Variants in POLA1 observed in about 807,000 individuals in gnomAD.
POLA1 encodes DNA polymerase alpha catalytic subunit.
Under a neutral mutation model 124.0 loss-of-function variants are expected in POLA1, and 15 were observed. The observed-to-expected ratio is 0.12, with a 90% CI of 0.08 to 0.19. The LOEUF is 0.19. POLA1 is among the 10% of genes least tolerant of loss of function. POLA1 has a pLI of 1.00. For synonymous variants in POLA1, 408 were observed against 389.4 expected (o/e 1.05, Z -0.56); for missense variants, 886 against 1,103.4 (o/e 0.80, Z 2.79).
chrX:24,782,063 C>A (rs11573401), intron 26 of POLA1, among the ~76,000 whole-genome samples: 3,245 of 111,427 alleles, frequency 0.029, 113 homozygotes, highest in African/African-American at 0.098. Flanking sequence ...GAAATCTAAC[C>A]CTGTTAGCAC....
At chrX:24,722,723 CT>C (rs1229772216) in intron 10 of POLA1, among the ~76,000 whole-genome samples, 4 of 100,692 alleles carry the variant, frequency 4.0e-5, no homozygotes, top group African/African-American at 1.3e-4. Flanking sequence ...GTTTGTTTCT[CT>C]TTTTTTTTTC....
intron 34 of POLA1, among the ~76,000 whole-genome samples, chrX:24,876,343 T>C (rs2046931556): frequency 1.8e-5 from 2 of 112,136 alleles, no homozygotes; most frequent in South Asian, 7.4e-4. Flanking sequence ...ATTTAAATTA[T>C]GAAACTTCAT....
At chrX:24,807,076 C>A (rs995481598) in intron 26 of POLA1, among the ~76,000 whole-genome samples, 4 of 111,949 alleles carry the variant, frequency 3.6e-5, no homozygotes, top group Admixed American at 9.4e-5. Flanking sequence ...TCAGGTTATG[C>A]ATGGCAATGG....
chrX:24,852,916 C>T (rs1488822683), intron 34 of POLA1, among the ~76,000 whole-genome samples: 1 of 111,822 alleles, frequency 8.9e-6, no homozygotes, highest in African/African-American at 3.3e-5. Context: ...CGTCTCCATC[C>T]ACCATCAAAG....
intron 26 of POLA1, among the ~76,000 whole-genome samples, chrX:24,786,103 C>A (rs1273402781): frequency 8.9e-6 from 1 of 112,255 alleles, no homozygotes; most frequent in African/African-American, 3.2e-5. Flanking sequence ...TTTGTTCAAC[C>A]GTTTATCCCT....
intron 34 of POLA1, among the ~76,000 whole-genome samples, chrX:24,864,391 A>G (rs1180618406): frequency 8.9e-6 from 1 of 112,096 alleles, no homozygotes; most frequent in African/African-American, 3.2e-5. Flanking sequence ...TTAGCATCCT[A>G]TCCTATTTTG....
intron 4 of POLA1, among the ~76,000 whole-genome samples, chrX:24,711,087 A>G (rs997355955): frequency 9.0e-6 from 1 of 111,466 alleles, no homozygotes; most frequent in Non-Finnish European, 1.9e-5. Context: ...GGCTCAAGCT[A>G]TCCTCCCACC....
chrX:24,973,403 G>C (rs763123990), intron 36 of POLA1, among the ~76,000 whole-genome samples: 3 of 110,956 alleles, frequency 2.7e-5, no homozygotes, highest in African/African-American at 9.8e-5. Context: ...GAAAGAGAGA[G>C]AGAGAAAGAA....
intron 35 of POLA1, among the ~76,000 whole-genome samples, chrX:24,898,794 T>G (rs2047238198): frequency 8.9e-6 from 1 of 112,143 alleles, no homozygotes; most frequent in African/African-American, 3.2e-5. Flanking sequence ...AAGACTTGAA[T>G]TCTACCCCCA....
At chrX:24,973,101 A>G (rs978654846) in intron 36 of POLA1, among the ~76,000 whole-genome samples, 2 of 112,077 alleles carry the variant, frequency 1.8e-5, no homozygotes, top group Non-Finnish European at 3.8e-5. Flanking sequence ...CATGCCTATA[A>G]TCACAGCACT....
At chrX:24,943,840 A>C (rs1369908606) in intron 36 of POLA1, among the ~76,000 whole-genome samples, 1 of 112,284 alleles carries the variant, frequency 8.9e-6, no homozygotes, top group Admixed American at 9.4e-5. Flanking sequence ...AGGTTCTGCT[A>C]TTCCTTGTTG....
At chrX:24,778,021 G>C (rs1301552557) in intron 26 of POLA1, among the ~76,000 whole-genome samples, 2 of 112,025 alleles carry the variant, frequency 1.8e-5, no homozygotes, top group Admixed American at 1.9e-4. Flanking sequence ...TAAAAGAAAA[G>C]CATTATTTTA....
chrX:24,867,223 CCTT>C (rs751802019), intron 34 of POLA1, among the ~76,000 whole-genome samples: 11 of 109,807 alleles, frequency 1.0e-4, no homozygotes, highest in Admixed American at 1.9e-4. Context: ...TTTTTTTTAT[CCTT>C]CTCAATTTAG....
chrX:24,938,488 A>C (rs746659363), intron 36 of POLA1, among the ~76,000 whole-genome samples: 2 of 112,260 alleles, frequency 1.8e-5, no homozygotes, highest in Non-Finnish European at 3.8e-5. Context: ...CCCAGAGTAA[A>C]GTTTCACCCT....
At chrX:24,698,274 G>C (rs1427664744) in intron 1 of POLA1, among the ~76,000 whole-genome samples, 4 of 111,957 alleles carry the variant, frequency 3.6e-5, no homozygotes, top group Non-Finnish European at 7.5e-5. Context: ...GGAACGGTCA[G>C]TTTATGATGA....
intron 32 of POLA1, among the ~76,000 whole-genome samples, chrX:24,838,107 G>A (rs1030615447): frequency 9.0e-6 from 1 of 111,566 alleles, no homozygotes; most frequent in African/African-American, 3.3e-5. Flanking sequence ...ATGTCACACT[G>A]GGGGTGTGTG....
intron 36 of POLA1, among the ~76,000 whole-genome samples, chrX:24,972,764 G>C (rs1470481476): frequency 8.9e-6 from 1 of 112,305 alleles, no homozygotes; most frequent in East Asian, 2.8e-4. Context: ...TGCTACTTGA[G>C]CTCTGACAAG....
chrX:24,769,257 G>T (rs1051534195), intron 26 of POLA1, among the ~76,000 whole-genome samples: 4 of 111,494 alleles, frequency 3.6e-5, no homozygotes, highest in African/African-American at 9.8e-5. Context: ...GGTTTCATTG[G>T]CTGGATTAAT....
At chrX:24,973,768 A>G (rs751079726) in intron 36 of POLA1, among the ~76,000 whole-genome samples, 1 of 111,326 alleles carries the variant, frequency 9.0e-6, no homozygotes, top group African/African-American at 3.3e-5. Context: ...GACCATCTAC[A>G]TTGTATTGGT....
Sources: gnomAD v4.1 joint callset for allele counts (sites outside exome capture counted in the v4.1 genomes callset) on GRCh38, gnomAD v4.1.1 for gene constraint, MANE v1.5 for transcripts, NCBI Gene and HGNC (gene_info 2026-07-23, HGNC 2026-07-21) for gene names.